Variants in FOXN3 observed in about 807,000 individuals in gnomAD.
The protein encoded by FOXN3 is forkhead box N3.
A neutral mutation model predicts 38.4 loss-of-function variants in FOXN3; 7 were observed. That is an observed-to-expected ratio of 0.18 (90% confidence interval 0.10 to 0.34). The LOEUF (loss-of-function observed/expected upper bound fraction) is 0.34, where lower values mean the gene tolerates loss of function less well. FOXN3 is among the 10% of genes least tolerant of loss of function. The pLI, the probability that FOXN3 is intolerant of heterozygous loss-of-function variation, is 1.00. For synonymous variants in FOXN3, 230 were observed against 242.2 expected (o/e 0.95, Z 0.47); for missense variants, 456 against 613.4 (o/e 0.74, Z 2.71).
chr14:89,464,362 A>G (rs944889660), intron 1 of FOXN3, among the ~76,000 whole-genome samples: 1 of 152,080 alleles, frequency 6.6e-6, no homozygotes, highest in Non-Finnish European at 1.5e-5. Context: ...GGCCAAGAGC[A>G]CTCATCCTCT....
At chr14:89,291,985 G>A (rs1391067979) in intron 3 of FOXN3, among the ~76,000 whole-genome samples, 2 of 152,052 alleles carry the variant, frequency 1.3e-5, no homozygotes, top group Admixed American at 6.5e-5. Flanking sequence ...GCTCCCAAAT[G>A]AGAACCCAGG....
At chr14:89,544,301 A>T (rs1201419230) in intron 1 of FOXN3, among the ~76,000 whole-genome samples, 1 of 150,426 alleles carries the variant, frequency 6.6e-6, no homozygotes, top group East Asian at 1.9e-4. Flanking sequence ...TCGGCCTCCC[A>T]AAGTGCTGGG....
Position 89,162,948 on chromosome 14 carries a change from C to T in FOXN3, c.873G>A (p.Arg291=). 3 of 1,566,940 alleles carry T rather than the reference C, an allele frequency of 1.9e-6. No individual in the cohort carries two copies. The highest frequency in any genetic ancestry group is 1.3e-5 in the African/African-American group (1 of 74,148). The part of the protein sequence containing the change: ...AAMRNGITSC[R]MRTESEPSCG... ...AAGATGGCTCACTCTCAGTCCGCAT[C>T]CGGCAGCTGGTGATGCCATTCCTGC... is the stretch of plus-strand genomic sequence containing the variant. Residue 291 remains arginine, a synonymous_variant, in exon 6 of 6, where the codon CGG becomes CGA. Coordinates refer to ENST00000557258, the MANE Select transcript of FOXN3 (RefSeq NM_005197.4). The surrounding 1 kb of genome is among the most constrained non-coding windows in gnomAD (Gnocchi z 7.2).
Position 89,157,128 on chromosome 14 carries a change from C to T in FOXN3, c.*5286G>A, listed in dbSNP as rs910269513. 1 of 152,606 alleles carries T rather than the reference C, an allele frequency of 6.6e-6. No individual in the cohort carries two copies. The highest frequency in any genetic ancestry group is 2.4e-5 in the African/African-American group (1 of 41,438). The allele number at this position is 152,606 out of a possible 1,614,324, so 9.5% of individuals were successfully genotyped here. A position where few individuals can be genotyped will look rare whatever the true frequency, so the allele number is the denominator to read the frequency against. ...TAAATAGTCTCGATTTCAATGCTAA[C>T]AAAACAACAGGAAGGGTACTCGTGA... On this transcript the variant is annotated 3_prime_UTR_variant, in exon 6 of 6. Coordinates refer to ENST00000557258, the MANE Select transcript of FOXN3 (RefSeq NM_005197.4).
intron 1 of FOXN3, among the ~76,000 whole-genome samples, chr14:89,449,395 G>A (rs767026240): frequency 2.0e-5 from 3 of 152,048 alleles, no homozygotes; most frequent in Non-Finnish European, 4.4e-5. Flanking sequence ...CAATACAGAG[G>A]TCCAAATTCT....
chr14:89,301,327 T>A (rs1596166403), intron 3 of FOXN3, among the ~76,000 whole-genome samples: 1 of 134,906 alleles, frequency 7.4e-6, no homozygotes, highest in African/African-American at 2.6e-5. Context: ...AAAAAAAAAA[T>A]TAGCCAGGTG....
At chr14:89,547,889 AT>A (rs1894916896) in intron 1 of FOXN3, among the ~76,000 whole-genome samples, 1 of 151,880 alleles carries the variant, frequency 6.6e-6, no homozygotes, top group Non-Finnish European at 1.5e-5. Context: ...TGATTTAGCA[AT>A]TTGCCAGGAG....
At chr14:89,306,747 G>A (rs574411814) in intron 3 of FOXN3, among the ~76,000 whole-genome samples, 26 of 152,318 alleles carry the variant, frequency 1.7e-4, no homozygotes, top group South Asian at 6.2e-4. Flanking sequence ...GAACTAGGAC[G>A]GGGGTTGGCA....
chr14:89,234,423 T>G (rs768987151), intron 4 of FOXN3, among the ~76,000 whole-genome samples: 1 of 152,082 alleles, frequency 6.6e-6, no homozygotes, highest in Non-Finnish European at 1.5e-5. Context: ...GTTGTACGGT[T>G]TGAATCTGAG....
chr14:89,591,826 G>A (rs902631768), intron 1 of FOXN3, among the ~76,000 whole-genome samples: 2 of 152,176 alleles, frequency 1.3e-5, no homozygotes, highest in African/African-American at 4.8e-5. Flanking sequence ...CAAGGAGACT[G>A]AGGCAAGAGG....
intron 3 of FOXN3, among the ~76,000 whole-genome samples, chr14:89,310,326 G>C (rs1887498856): frequency 6.6e-6 from 1 of 152,208 alleles, no homozygotes; most frequent in Non-Finnish European, 1.5e-5. Flanking sequence ...GAGTGCCTAA[G>C]AACCAAGCCA....
chr14:89,368,330 C>CAAA (rs35347785), intron 2 of FOXN3, among the ~76,000 whole-genome samples: 4 of 136,746 alleles, frequency 2.9e-5, no homozygotes, highest in African/African-American at 1.1e-4. Flanking sequence ...AACTCTGTCT[C>CAAA]AAAAAAAAAA....
At chr14:89,396,176 C>T (rs1029415122) in intron 2 of FOXN3, among the ~76,000 whole-genome samples, 4 of 152,174 alleles carry the variant, frequency 2.6e-5, no homozygotes, top group African/African-American at 9.7e-5. Context: ...TCAGAAGTTA[C>T]AAACAGAAAT....
rs150373225 is a variant in FOXN3 at position 89,347,221 on chromosome 14, T to C, written c.680+3451A>G. Among the ~76,000 whole-genome samples the C allele has an allele frequency of 5.9e-3, 903 of 152,254 alleles. 19 individuals carry two copies. The highest frequency in any genetic ancestry group is 0.02 in the African/African-American group (846 of 41,530). Reference sequence around the variant, plus strand: ...ATGTAATTAGTTAAATAGGATGAATTATTACGGGAGAAAGATGGGCCTCTA... The same window carrying C: ...ATGTAATTAGTTAAATAGGATGAATCATTACGGGAGAAAGATGGGCCTCTA... On this transcript the variant is annotated intron_variant, in intron 3 of 5. Coordinates refer to ENST00000557258, the MANE Select transcript of FOXN3 (RefSeq NM_005197.4).
chr14:89,363,123 C>G (rs1889942739), intron 2 of FOXN3, among the ~76,000 whole-genome samples: 1 of 152,180 alleles, frequency 6.6e-6, no homozygotes, highest in Non-Finnish European at 1.5e-5. Context: ...GGGGTTAAAA[C>G]TGCAGGCGTG....
chr14:89,298,873 A>G (rs906792422), intron 3 of FOXN3, among the ~76,000 whole-genome samples: 1 of 152,224 alleles, frequency 6.6e-6, no homozygotes, highest in African/African-American at 2.4e-5. Flanking sequence ...ACCAGACACT[A>G]GAATCTTCTG....
At chr14:89,370,235 T>G (rs1890276235) in intron 2 of FOXN3, among the ~76,000 whole-genome samples, 2 of 152,142 alleles carry the variant, frequency 1.3e-5, no homozygotes, top group Non-Finnish European at 2.9e-5. Flanking sequence ...TGATCAAATA[T>G]CTCAGGTGGC....
intron 1 of FOXN3, among the ~76,000 whole-genome samples, chr14:89,602,286 G>A (rs776901078): frequency 6.8e-6 from 1 of 146,790 alleles, no homozygotes; most frequent in African/African-American, 2.6e-5. Flanking sequence ...AAGACTTTGT[G>A]TCAAAAAAAA....
chr14:89,222,268 A>G (rs1019250107), intron 4 of FOXN3, among the ~76,000 whole-genome samples: 2 of 152,286 alleles, frequency 1.3e-5, no homozygotes, highest in East Asian at 3.9e-4. Context: ...AGAGTCAACT[A>G]AAGCTGGGAA....
Sources: allele counts gnomAD v4.1 joint callset (sites outside exome capture counted in the v4.1 genomes callset), GRCh38; gene constraint gnomAD v4.1.1; non-coding constraint Gnocchi (gnomAD v3.1); transcripts MANE v1.5; gene names NCBI Gene and HGNC (gene_info 2026-07-23, HGNC 2026-07-21).